CARM1: variants seen among roughly 807,000 people sequenced by gnomAD.
CARM1 encodes the protein coactivator associated arginine methyltransferase 1.
A neutral mutation model predicts 72.7 loss-of-function variants in CARM1; 14 were observed. The observed-to-expected ratio is 0.19, with a 90% confidence interval of 0.13 to 0.30. The LOEUF (loss-of-function observed/expected upper bound fraction) is 0.30, where lower values mean the gene tolerates loss of function less well. Among genes scored for constraint, CARM1 ranks in the 10% least tolerant of loss-of-function variants. CARM1 has a pLI of 1.00. For synonymous variants in CARM1, 333 were observed against 345.5 expected (o/e 0.96, Z 0.40); for missense variants, 432 against 833.7 (o/e 0.52, Z 5.93).
At chr19:10,873,092 AGGAGGGTATTTCAGCGG>A (rs1191250590) in intron 1 of CARM1, among the ~76,000 whole-genome samples, 1 of 152,080 alleles carries the variant, frequency 6.6e-6, no homozygotes, top group Non-Finnish European at 1.5e-5. Flanking sequence ...TGAGAGGGGA[AGGAGGGTATTTCAGCGG>A]GGGTTTCAGA....
chr19:10,883,672 G>A (rs2073918568), intron 1 of CARM1, among the ~76,000 whole-genome samples: 1 of 152,192 alleles, frequency 6.6e-6, no homozygotes, highest in Admixed American at 6.5e-5. Flanking sequence ...TCCTGCCTTA[G>A]CCTCCTGAGT....
intron 6 of CARM1, 60 bp downstream of exon 6, chr19:10,914,114 C>A (rs2074176224): frequency 2.0e-6 from 3 of 1,499,042 alleles, no homozygotes; most frequent in Non-Finnish European, 2.7e-6. Context: ...TGCCGCTGAG[C>A]CAGGCCATCA....
intron 1 of CARM1, among the ~76,000 whole-genome samples, chr19:10,888,887 CTT>C (rs544114875): frequency 1.1e-3 from 166 of 152,316 alleles, no homozygotes; most frequent in Middle Eastern, 3.4e-3. Context: ...TGGGGTTGCC[CTT>C]CGCACACCCC....
rs2074160393 is a variant in CARM1 at position 10,912,587 on chromosome 19, C to T, written c.669+293C>T. Reference sequence around the variant, plus strand: ...AACATAAAAGCTAAAAAAGAGCAGACAGCGTGCTCTCCTTCCCCACCCCAG... The same window carrying T: ...AACATAAAAGCTAAAAAAGAGCAGATAGCGTGCTCTCCTTCCCCACCCCAG... On this transcript the variant is annotated intron_variant, in intron 5 of 15. Coordinates refer to ENST00000327064, the MANE Select transcript of CARM1 (RefSeq NM_199141.2). This position sits in a 1 kb window ranked among gnomAD's most constrained non-coding sequence, Gnocchi z 4.5. 6.6e-6 allele frequency among the ~76,000 whole-genome samples: 1 copy of T among 151,296 alleles called. No individual in the cohort carries two copies. Among genetic ancestry groups the T allele is most frequent in the Non-Finnish European group, 1.5e-5 (1 of 67,908 alleles).
chr19:10,911,483 T>C (rs17616105), intron 4 of CARM1, among the ~76,000 whole-genome samples: 32,718 of 152,162 alleles, frequency 0.22, 3,763 homozygotes, highest in Middle Eastern at 0.31. Context: ...GAGATCCATT[T>C]CCTGGTTCAT....
chr19:10,910,720 C>T (rs1334185745), intron 4 of CARM1, among the ~76,000 whole-genome samples: 1 of 151,548 alleles, frequency 6.6e-6, no homozygotes, highest in Non-Finnish European at 1.5e-5. Context: ...CGCACACCAC[C>T]AAGCCCAGCA....
chr19:10,910,180 T>G (rs2074137657), intron 4 of CARM1, among the ~76,000 whole-genome samples: 1 of 152,006 alleles, frequency 6.6e-6, no homozygotes, highest in Non-Finnish European at 1.5e-5. Context: ...ACGTCTGTAT[T>G]CAAAAGTAGA....
chr19:10,876,986 C>CTTA (rs1186410744), intron 1 of CARM1, among the ~76,000 whole-genome samples: 9 of 152,236 alleles, frequency 5.9e-5, no homozygotes, highest in African/African-American at 2.2e-4. Flanking sequence ...CCGTCAGGGG[C>CTTA]TAAACTTCAG....
intron 1 of CARM1, among the ~76,000 whole-genome samples, chr19:10,899,135 C>G (rs1205224890): frequency 6.6e-6 from 1 of 150,476 alleles, no homozygotes; most frequent in African/African-American, 2.5e-5. Context: ...AAGCTGCCGG[C>G]TCCGCGGGCT....
Position 10,871,866 on chromosome 19 carries a change from C to G in CARM1, c.164C>G (p.Ala55Gly). ...GEIQRHAEQQ[A>G]LRLEVRAGPD... ...ATCCAGCGGCACGCGGAGCAGCAGGCGCTGCGCCTCGAGGTGCGCGCCGGC... is the reference window on the plus strand; with the variant it reads ...ATCCAGCGGCACGCGGAGCAGCAGGGGCTGCGCCTCGAGGTGCGCGCCGGC... The change falls in exon 1 of 16, where the codon GCG (alanine) becomes GGG (glycine). Residue 55 changes from alanine to glycine, a missense_variant. Coordinates refer to ENST00000327064, the MANE Select transcript of CARM1 (RefSeq NM_199141.2). The surrounding 1 kb of genome is among the most constrained non-coding windows in gnomAD (Gnocchi z 5.6). 1 of 1,283,888 alleles carries G rather than the reference C, an allele frequency of 7.8e-7. No individual in the cohort carries two copies. The highest frequency in any genetic ancestry group is 2.1e-5 in the South Asian group (1 of 47,950). 79.5% of individuals were successfully genotyped at this position (1,283,888 alleles called of 1,614,324 possible). A position where few individuals can be genotyped will look rare whatever the true frequency, so the allele number is the denominator to read the frequency against.
intron 1 of CARM1, among the ~76,000 whole-genome samples, chr19:10,883,870 T>A (rs1490675572): frequency 6.6e-6 from 1 of 151,388 alleles, no homozygotes; most frequent in African/African-American, 2.4e-5. Flanking sequence ...ATACAAAAAT[T>A]AGCTGGGCGC....
chr19:10,920,966 A>G lies in CARM1; in HGVS notation c.1537+20A>G. The G allele has an allele frequency of 6.2e-7, 1 of 1,611,694 alleles. No individual in the cohort carries two copies. The highest frequency in any genetic ancestry group is 8.5e-7 in the Non-Finnish European group (1 of 1,177,794). On this transcript the variant is annotated intron_variant, in intron 13 of 15. Coordinates refer to ENST00000327064, the MANE Select transcript of CARM1 (RefSeq NM_199141.2). The surrounding 1 kb of genome is among the most constrained non-coding windows in gnomAD (Gnocchi z 5.3). ...TGGCAGGTGAGCAGGGCCCACCCCAATGCCCAGCCAACCCGGGAGGCCGCC... is the reference window on the plus strand; with the variant it reads ...TGGCAGGTGAGCAGGGCCCACCCCAGTGCCCAGCCAACCCGGGAGGCCGCC...
At chr19:10,891,213 C>T (rs1463153631) in intron 1 of CARM1, among the ~76,000 whole-genome samples, 1 of 151,998 alleles carries the variant, frequency 6.6e-6, no homozygotes, top group Admixed American at 6.6e-5. Flanking sequence ...CTACTGTGTG[C>T]CCGTGGGTCT....
chr19:10,873,599 T>C (rs978258621), intron 1 of CARM1, among the ~76,000 whole-genome samples: 6 of 146,944 alleles, frequency 4.1e-5, no homozygotes, highest in Non-Finnish European at 7.5e-5. Context: ...AAAAAAAAAA[T>C]TTTTTTTAGA....
rs188272353 is a variant in CARM1, at chr19:10,886,019, G to A, written c.220+14097G>A. Among the ~76,000 whole-genome samples the A allele has an allele frequency of 5.3e-5, 8 of 150,124 alleles. No individual in the cohort carries two copies. The East Asian group carries it at 1.6e-3, about 29-fold the overall frequency. ...CTCCCGAGTAGCTGGGACGGCAGGT[G>A]GCCCCACACCTGGCTAATTTTTTTC... On this transcript the variant is annotated intron_variant, in intron 1 of 15. Coordinates refer to ENST00000327064, the MANE Select transcript of CARM1 (RefSeq NM_199141.2).
chr19:10,893,129 C>T (rs1034500797), intron 1 of CARM1, among the ~76,000 whole-genome samples: 2 of 152,022 alleles, frequency 1.3e-5, no homozygotes, highest in African/African-American at 4.8e-5. Flanking sequence ...CCTCTGCCTC[C>T]CAGGTTCAAG....
chr19:10,905,675 A>G (rs533728189), intron 2 of CARM1, among the ~76,000 whole-genome samples: 4 of 152,282 alleles, frequency 2.6e-5, no homozygotes, highest in African/African-American at 9.6e-5. Context: ...GTGCGAGGAC[A>G]GCTGGAGGTG....
chr19:10,911,911 AG>A (rs1480258907), intron 4 of CARM1, among the ~76,000 whole-genome samples: 1 of 152,180 alleles, frequency 6.6e-6, no homozygotes, highest in Non-Finnish European at 1.5e-5. Flanking sequence ...GTGAGCTTCC[AG>A]GGGAGGCCCG....
At chr19:10,903,072 T>C (rs1186727480) in intron 1 of CARM1, among the ~76,000 whole-genome samples, 1 of 152,224 alleles carries the variant, frequency 6.6e-6, no homozygotes, top group Non-Finnish European at 1.5e-5. Flanking sequence ...CTTCATTCTT[T>C]TCTCTGTGGT....
Sources: allele counts gnomAD v4.1 joint callset (sites outside exome capture counted in the v4.1 genomes callset), GRCh38; gene constraint gnomAD v4.1.1; non-coding constraint Gnocchi (gnomAD v3.1); transcripts MANE v1.5; gene names NCBI Gene and HGNC (gene_info 2026-07-23, HGNC 2026-07-21).